The following KIAA0825 variants were observed in gnomAD, a reference collection of about 807,000 sequenced individuals.
The protein encoded by KIAA0825 is uncharacterized protein KIAA0825.
In KIAA0825, 119 loss-of-function variants were observed where a neutral mutation model predicts 147.6. The observed-to-expected ratio is 0.81, with a 90% CI of 0.69 to 0.94. The LOEUF (loss-of-function observed/expected upper bound fraction) is 0.94. KIAA0825 is among the 40% of genes least tolerant of loss of function. KIAA0825 has a pLI of 0.00. For missense variants in KIAA0825, 1,381 were observed against 1,472.7 expected, an observed-to-expected ratio of 0.94 and a Z score of 1.02; for synonymous variants, 470 against 518.1, an observed-to-expected ratio of 0.91 and a Z score of 1.26.
chr5:94,242,564 A>T (rs1331277013), intron 20 of KIAA0825, among the ~76,000 whole-genome samples: 3 of 148,044 alleles, frequency 2.0e-5, no homozygotes, highest in Non-Finnish European at 4.5e-5. Context: ...CTTCCTTCCT[A>T]CCTTCCTTCC....
At chr5:94,373,283 C>T (rs527435020) in intron 20 of KIAA0825, among the ~76,000 whole-genome samples, 1 of 152,248 alleles carries the variant, frequency 6.6e-6, no homozygotes, top group East Asian at 1.9e-4. Flanking sequence ...TTTGGGGATG[C>T]TTATAGCAGC....
In KIAA0825 at chr5:94,591,163, G is replaced by A. The variant is rs369777120; in HGVS notation, c.-152-8580C>T. Among the ~76,000 whole-genome samples, 6 of 152,226 alleles carry A rather than the reference G, an allele frequency of 3.9e-5. No individual in the cohort carries two copies. The South Asian group carries it at 1.2e-3, about 32-fold the overall frequency. On this transcript the variant is annotated intron_variant, in intron 1 of 20. Coordinates refer to ENST00000682413, the MANE Select transcript of KIAA0825 (RefSeq NM_001145678.3). ...ACAAATTTATAAAACACAGACAGAT[G>A]AAAGAGAATTCACAGAAGAAACAGA...
intron 14 of KIAA0825, among the ~76,000 whole-genome samples, chr5:94,423,580 T>C (rs183114477): frequency 2.0e-5 from 3 of 152,246 alleles, no homozygotes; most frequent in Non-Finnish European, 2.9e-5. Flanking sequence ...ACTTTCTACT[T>C]TCTACAAGAA....
At chr5:94,308,022 A>G (rs1381194965) in intron 20 of KIAA0825, among the ~76,000 whole-genome samples, 2 of 151,826 alleles carry the variant, frequency 1.3e-5, no homozygotes, top group Non-Finnish European at 2.9e-5. Flanking sequence ...ATCAAAGAAC[A>G]TGAGTCTTTT....
At chr5:94,512,566 A>G (rs921208610) in intron 5 of KIAA0825, among the ~76,000 whole-genome samples, 3 of 151,276 alleles carry the variant, frequency 2.0e-5, no homozygotes, top group Admixed American at 6.6e-5. Flanking sequence ...ATTCAAGACC[A>G]GCTTGGGCAA....
chr5:94,515,586 G>GT (rs1767096634), intron 5 of KIAA0825, among the ~76,000 whole-genome samples: 1 of 152,086 alleles, frequency 6.6e-6, no homozygotes, highest in Non-Finnish European at 1.5e-5. Flanking sequence ...GAGGTAAGGA[G>GT]TTTGAGACCA....
At chr5:94,598,434 C>T (rs1257939832) in intron 1 of KIAA0825, among the ~76,000 whole-genome samples, 2 of 151,900 alleles carry the variant, frequency 1.3e-5, no homozygotes, top group Non-Finnish European at 2.9e-5. Context: ...CTGAAATATT[C>T]TATAACAATG....
At chr5:94,189,738 T>A (rs1380750243) in intron 20 of KIAA0825, among the ~76,000 whole-genome samples, 1 of 152,190 alleles carries the variant, frequency 6.6e-6, no homozygotes, top group Non-Finnish European at 1.5e-5. Context: ...TCCTCCCTTT[T>A]CAAAATTGTT....
intron 2 of KIAA0825, among the ~76,000 whole-genome samples, chr5:94,544,178 C>T (rs1279638028): frequency 6.6e-6 from 1 of 152,204 alleles, no homozygotes; most frequent in Non-Finnish European, 1.5e-5. Context: ...ATTAGTTCTG[C>T]TTCTTTGTTC....
intron 20 of KIAA0825, among the ~76,000 whole-genome samples, chr5:94,305,090 C>G (rs1667018669): frequency 6.6e-6 from 1 of 151,928 alleles, no homozygotes; most frequent in African/African-American, 2.4e-5. Flanking sequence ...TTAATGGAAA[C>G]AGAAAATACC....
chr5:94,548,115 C>T (rs1161092072), intron 2 of KIAA0825, among the ~76,000 whole-genome samples: 2 of 152,036 alleles, frequency 1.3e-5, no homozygotes, highest in Non-Finnish European at 2.9e-5. Context: ...AAAGAAAACA[C>T]AGAATATTAT....
intron 20 of KIAA0825, among the ~76,000 whole-genome samples, chr5:94,328,757 G>C (rs1429799765): frequency 1.4e-5 from 2 of 146,450 alleles, no homozygotes; most frequent in Non-Finnish European, 3.0e-5. Flanking sequence ...ATGAGAGCTA[G>C]AAAAAAAAAA....
In KIAA0825 at chr5:94,275,742, G is replaced by A. The variant is rs549265177; in HGVS notation, c.3710+108626C>T. Among the ~76,000 whole-genome samples, 21 of 152,180 alleles carry A rather than the reference G, an allele frequency of 1.4e-4. 1 individual carries two copies. In the South Asian group the frequency reaches 4.4e-3, roughly 32 times the overall value. ...CTATGGGTTCATATGGAGCCACCTTGCTCCCTCAGGTAGTCCTTTGAGGCT... is the reference window on the plus strand; with the variant it reads ...CTATGGGTTCATATGGAGCCACCTTACTCCCTCAGGTAGTCCTTTGAGGCT... On this transcript the variant is annotated intron_variant, in intron 20 of 20. Transcript: ENST00000682413.
intron 20 of KIAA0825, among the ~76,000 whole-genome samples, chr5:94,253,613 T>G (rs1180465047): frequency 6.6e-6 from 1 of 152,088 alleles, no homozygotes; most frequent in African/African-American, 2.4e-5. Flanking sequence ...GCCCTAAGAT[T>G]TACATGCTAC....
chr5:94,473,892 A>C (rs1761522520), intron 7 of KIAA0825, among the ~76,000 whole-genome samples: 2 of 152,192 alleles, frequency 1.3e-5, no homozygotes, highest in African/African-American at 4.8e-5. Context: ...ATAAAGTCTA[A>C]ATTAGATTTT....
chr5:94,229,243 G>GA (rs1473290681), intron 20 of KIAA0825, among the ~76,000 whole-genome samples: 1 of 152,186 alleles, frequency 6.6e-6, no homozygotes, highest in African/African-American at 2.4e-5. Flanking sequence ...TTGTATGTGT[G>GA]AAAATGTCTC....
chr5:94,165,801 A>G (rs1767978625), intron 20 of KIAA0825, among the ~76,000 whole-genome samples: 1 of 152,220 alleles, frequency 6.6e-6, no homozygotes, highest in African/African-American at 2.4e-5. Flanking sequence ...TCTAAAAATC[A>G]AAACAATTGA....
In KIAA0825 at chr5:94,520,581, G is replaced by A; in HGVS notation, c.637C>T (p.Gln213Ter). Residue 213 changes from glutamine to a stop codon, truncating the protein, a stop_gained, in exon 5 of 21, where the codon CAA becomes TAA. Transcript: ENST00000682413. LOFTEE classifies it high-confidence loss of function. ...GCCAACAGTTTATTCTGTATGTTTT[G>A]GTATTTGATTATAACTTCTGATTCT... ...YPESEVIIKYQNIQNKLLANL... is the reference protein window; with the variant it reads ...YPESEVIIKY The A allele has an allele frequency of 6.2e-7, 1 of 1,613,288 alleles. No homozygotes were observed.
intron 20 of KIAA0825, among the ~76,000 whole-genome samples, chr5:94,215,038 G>GT (rs1041137765): frequency 6.6e-6 from 1 of 152,132 alleles, no homozygotes; most frequent in East Asian, 1.9e-4. Context: ...CAGCAGCCAA[G>GT]TTTTTTTAAA....
Sources: gnomAD v4.1 joint callset for allele counts (sites outside exome capture counted in the v4.1 genomes callset) on GRCh38, gnomAD v4.1.1 for gene constraint, MANE v1.5 for transcripts, NCBI Gene and HGNC (gene_info 2026-07-23, HGNC 2026-07-21) for gene names.